NFIB: variants seen among roughly 807,000 people sequenced by gnomAD.
The protein encoded by NFIB is nuclear factor 1 B-type.
In NFIB, 11 loss-of-function variants were observed where a neutral mutation model predicts 61.5. That is an observed-to-expected ratio of 0.18 (90% CI 0.11 to 0.30). NFIB has a LOEUF of 0.30. Among genes scored for constraint, NFIB ranks in the 10% least tolerant of loss-of-function variants. The pLI is 1.00. For synonymous variants in NFIB, 260 were observed against 216.5 expected, an observed-to-expected ratio of 1.20 and a Z score of -1.76; for missense variants, 471 against 608.9, an observed-to-expected ratio of 0.77 and a Z score of 2.38.
rs557247341 is a variant in NFIB at position 14,183,628 on chromosome 9, C to A, written c.563-3848G>T. On this transcript the variant is annotated intron_variant, in intron 2 of 10. Coordinates refer to ENST00000380953, the MANE Select transcript of NFIB (RefSeq NM_001190737.2). Reference sequence around the variant, plus strand: ...CCATGTTGGTCAGGCTGGTCTTGAACTCCTGGCCTGAAGCGATCCGCCTAC... The same window carrying A: ...CCATGTTGGTCAGGCTGGTCTTGAAATCCTGGCCTGAAGCGATCCGCCTAC... Among the ~76,000 whole-genome samples, 4 of 152,036 alleles carry A rather than the reference C, an allele frequency of 2.6e-5. No homozygotes were observed. In the East Asian group the frequency reaches 5.8e-4, roughly 22 times the overall value.
intron 3 of NFIB, among the ~76,000 whole-genome samples, chr9:14,161,444 G>A (rs1035608766): frequency 3.3e-5 from 5 of 151,590 alleles, no homozygotes; most frequent in East Asian, 1.9e-4. Flanking sequence ...ACTTTAACAC[G>A]CCCTGATAGC....
At position 14,116,796 on chromosome 9, in the gene NFIB, A is replaced by C. The variant is rs149330514; in HGVS notation, c.1246-450T>G. ...GAACACAATTTTCACCTACATGATG[A>C]TATCACTGAAACAAAGGACACAAAA... On this transcript the variant is annotated intron_variant, in intron 8 of 10. Transcript: ENST00000380953. Among the ~76,000 whole-genome samples the C allele has an allele frequency of 2.2e-3, 334 of 152,346 alleles. 2 individuals carry two copies. Among genetic ancestry groups the C allele is most frequent in the African/African-American group, 7.6e-3 (316 of 41,584 alleles).
the NFIB span, among the ~76,000 whole-genome samples, chr9:14,418,073 G>A: frequency 1.3e-5 from 2 of 151,976 alleles, no homozygotes; most frequent in Admixed American, 6.6e-5. Context: ...GAGCCACCGC[G>A]CCCAGCCAGG....
chr9:14,499,431 A>C, the NFIB span, among the ~76,000 whole-genome samples: 100 of 152,228 alleles, frequency 6.6e-4, no homozygotes, highest in African/African-American at 2.2e-3. Flanking sequence ...AGGTCTCCTT[A>C]CTTGAATGGG....
the NFIB span, among the ~76,000 whole-genome samples, chr9:14,521,758 T>C: frequency 5.5e-4 from 84 of 152,314 alleles, no homozygotes; most frequent in Non-Finnish European, 8.8e-4. Context: ...ACATTAGCAA[T>C]CACTCAGTCC....
the NFIB span, among the ~76,000 whole-genome samples, chr9:14,460,527 A>G: frequency 1.3e-5 from 2 of 151,336 alleles, no homozygotes; most frequent in African/African-American, 2.4e-5. Context: ...TAAAAAAAAA[A>G]GAGGGCTATT....
intron 2 of NFIB, among the ~76,000 whole-genome samples, chr9:14,290,883 C>A (rs1242253922): frequency 6.6e-6 from 1 of 152,032 alleles, no homozygotes; most frequent in African/African-American, 2.4e-5. Flanking sequence ...TACATATTAT[C>A]TATTTTATAG....
intron 10 of NFIB, among the ~76,000 whole-genome samples, chr9:14,109,596 G>T (rs1488180509): frequency 6.6e-6 from 1 of 151,990 alleles, no homozygotes. Flanking sequence ...TTTCCCCCAT[G>T]CCAATAGCGA....
chr9:14,514,140 A>C, the NFIB span, among the ~76,000 whole-genome samples: 2 of 152,308 alleles, frequency 1.3e-5, no homozygotes, highest in Non-Finnish European at 1.5e-5. Flanking sequence ...AATTACATTT[A>C]TTGAGCATTG....
the NFIB span, among the ~76,000 whole-genome samples, chr9:14,525,545 C>A: frequency 1.3e-5 from 2 of 152,062 alleles, no homozygotes; most frequent in Non-Finnish European, 2.9e-5. Flanking sequence ...CAGGCAAACA[C>A]CTGGCAAAGA....
Position 14,146,537 on chromosome 9 carries a change from A to G in NFIB, c.925+152T>C, listed in dbSNP as rs528948029. 5.2e-6 allele frequency: 6 copies of G among 1,160,432 alleles called. No individual in the cohort carries two copies. The African/African-American group carries it at 9.4e-5, about 18-fold the overall frequency. 71.9% of individuals were successfully genotyped at this position (1,160,432 alleles called of 1,614,324 possible). A position where few individuals can be genotyped will look rare whatever the true frequency, so the allele number is the denominator to read the frequency against. Reference sequence around the variant, plus strand: ...AAATTAACTTTGACGACATTTGACTAACATTATCTCAAAAATAATTCTACA... The same window carrying G: ...AAATTAACTTTGACGACATTTGACTGACATTATCTCAAAAATAATTCTACA... On this transcript the variant is annotated intron_variant, in intron 6 of 10. Coordinates refer to ENST00000380953, the MANE Select transcript of NFIB (RefSeq NM_001190737.2).
intron 7 of NFIB, among the ~76,000 whole-genome samples, chr9:14,122,432 T>A (rs1034179765): frequency 1.3e-5 from 2 of 152,164 alleles, no homozygotes; most frequent in Non-Finnish European, 2.9e-5. Flanking sequence ...CCAAAATGTA[T>A]ATTTTAAATA....
At chr9:14,125,434 G>A (rs2130885548) in intron 7 of NFIB, among the ~76,000 whole-genome samples, 198 bp downstream of exon 7, 1 of 152,346 alleles carries the variant, frequency 6.6e-6, no homozygotes, top group South Asian at 2.1e-4. Flanking sequence ...GGGATTACAG[G>A]CGTGAGCCCC....
chr9:14,176,274 A>C (rs995471289), intron 3 of NFIB, among the ~76,000 whole-genome samples: 2 of 127,440 alleles, frequency 1.6e-5, no homozygotes, highest in African/African-American at 5.4e-5. Context: ...AAAAAAAAAA[A>C]ACAAAGAAGA....
At chr9:14,255,474 T>C (rs1486121438) in intron 2 of NFIB, among the ~76,000 whole-genome samples, 3 of 152,178 alleles carry the variant, frequency 2.0e-5, no homozygotes, top group Non-Finnish European at 4.4e-5. Flanking sequence ...GTATGGTCAA[T>C]GACTGAGGGG....
At chr9:14,174,405 T>A (rs773984700) in intron 3 of NFIB, among the ~76,000 whole-genome samples, 1 of 152,166 alleles carries the variant, frequency 6.6e-6, no homozygotes, top group African/African-American at 2.4e-5. Context: ...TTTTTCCTCA[T>A]TAAAAACATC....
At chr9:14,459,895 T>C in the NFIB span, among the ~76,000 whole-genome samples, 6 of 151,172 alleles carry the variant, frequency 4.0e-5, no homozygotes, top group Admixed American at 6.6e-5. Context: ...TGTGGAGAAA[T>C]AGGAACACTT....
the NFIB span, among the ~76,000 whole-genome samples, chr9:14,406,295 T>C: frequency 2.2e-4 from 34 of 152,202 alleles, no homozygotes; most frequent in Non-Finnish European, 2.9e-5. Flanking sequence ...GCTATGAGTC[T>C]TCTCTTTTTC....
chr9:14,418,109 A>T, the NFIB span, among the ~76,000 whole-genome samples: 1 of 152,148 alleles, frequency 6.6e-6, no homozygotes, highest in Non-Finnish European at 1.5e-5. Context: ...CAAGCACCCC[A>T]GGAAGTGTTA....
Sources: gnomAD v4.1 joint callset for allele counts (sites outside exome capture counted in the v4.1 genomes callset) on GRCh38, gnomAD v4.1.1 for gene constraint, MANE v1.5 for transcripts, NCBI Gene and HGNC (gene_info 2026-07-23, HGNC 2026-07-21) for gene names.